Variants in RABGGTB observed in about 807,000 individuals in gnomAD.
RABGGTB encodes the protein geranylgeranyl transferase type-2 subunit beta.
Under a neutral mutation model 44.5 loss-of-function variants are expected in RABGGTB, and 20 were observed. The ratio of observed to expected loss-of-function variants is 0.45; its 90% confidence interval spans 0.32 to 0.65. RABGGTB has a LOEUF of 0.65. Ranked by LOEUF, RABGGTB falls within the 30% of genes least tolerant of loss-of-function variation. RABGGTB has a pLI of 0.05. For synonymous variants in RABGGTB, 128 were observed against 136.7 expected (o/e 0.94, Z 0.44); for missense variants, 302 against 398.7 (o/e 0.76, Z 2.06).
chr1:75,788,360 GC>G (rs150111322), intron 2 of RABGGTB: 1,776 of 160,692 alleles, frequency 0.011, 17 homozygotes, highest in Middle Eastern at 0.037. Context: ...CTGGAGGACA[GC>G]GGTGCGATCT....
intron 2 of RABGGTB, 108 bp from the exon 3 acceptor site, chr1:75,789,051 G>A: frequency 3.1e-6 from 3 of 969,634 alleles, no homozygotes; most frequent in Non-Finnish European, 4.8e-6. Flanking sequence ...GTTAAGGTCA[G>A]GAGAGGTAAA....
At chr1:75,789,556 A>G (rs764590593) in intron 3 of RABGGTB, 200 bp downstream of exon 3, 8 of 766,630 alleles carry the variant, frequency 1.0e-5, no homozygotes, top group Non-Finnish European at 1.9e-5. Context: ...CTTGGAGGGT[A>G]AAATTTTTAT....
chr1:75,793,187 G>T (rs1649688780), intron 7 of RABGGTB, among the ~76,000 whole-genome samples: 2 of 152,044 alleles, frequency 1.3e-5, no homozygotes, highest in South Asian at 4.1e-4. Context: ...ATTGTAGCTT[G>T]CTGTGCCCCT....
intron 2 of RABGGTB, chr1:75,788,291 C>T (rs888770778): frequency 5.9e-6 from 1 of 168,774 alleles, no homozygotes; most frequent in African/African-American, 2.4e-5. Context: ...GATGCACCAC[C>T]TGTTAAAAAA....
At chr1:75,790,201 C>T in intron 4 of RABGGTB, 144 bp downstream of exon 4, 2 of 1,461,764 alleles carry the variant, frequency 1.4e-6, no homozygotes, top group Non-Finnish European at 1.8e-6. Context: ...GCTGGAACTT[C>T]CAGCATGCAC....
At chr1:75,791,928 A>G (rs544667357) in intron 6 of RABGGTB, 24 of 425,056 alleles carry the variant, frequency 5.6e-5, no homozygotes, top group South Asian at 5.0e-4. Context: ...AGAACACTGA[A>G]TATGTGAATG....
chr1:75,791,615 C>G (rs1361662144), intron 6 of RABGGTB, 44 bp downstream of exon 6: 1 of 1,492,024 alleles, frequency 6.7e-7, no homozygotes, highest in Non-Finnish European at 9.2e-7. Flanking sequence ...ATTTTGGAAG[C>G]CAGTGTAGTA....
Position 75,786,276 on chromosome 1 carries a change from T to G in RABGGTB, c.3+2T>G. 6.2e-7 allele frequency: 1 copy of G among 1,614,168 alleles called. No homozygotes were observed. The highest frequency in any genetic ancestry group is 1.3e-5 in the African/African-American group (1 of 75,040). On this transcript the variant is annotated splice_donor_variant, in intron 1 of 8. Transcript: ENST00000319942. LOFTEE classifies it high-confidence loss of function. The stretch of plus-strand genomic sequence containing the variant: ...TCTCTCCTTTCCCTGTTAGACATGG[T>G]AAGTGTGAGTTTAGCGCTGCTGTCC...
Position 75,791,523 on chromosome 1 carries a change from T to TG in RABGGTB, c.532dup (p.Asp178GlyfsTer11). 6.2e-7 allele frequency: 1 copy of TG among 1,613,392 alleles called. No homozygotes were observed. Among genetic ancestry groups the TG allele is most frequent in the Non-Finnish European group, 8.5e-7 (1 of 1,180,006 alleles). ...AATTTGTTTTATCCTGTATGAACTT[T>TG]GACGGTGGATTTGGTTGCAGACCAG... is the stretch of plus-strand genomic sequence containing the variant. On this transcript the variant is annotated frameshift_variant, in exon 6 of 9. Transcript: ENST00000319942. LOFTEE classifies it high-confidence loss of function.
At chr1:75,786,487 C>T (rs566419654) in intron 1 of RABGGTB, among the ~76,000 whole-genome samples, 2 of 152,246 alleles carry the variant, frequency 1.3e-5, no homozygotes, top group Non-Finnish European at 2.9e-5. Flanking sequence ...AGGCCTTCTT[C>T]TGTAGGGAGG....
At chr1:75,789,037 T>C in intron 2 of RABGGTB, 122 bp from the exon 3 acceptor site, 2 of 793,434 alleles carry the variant, frequency 2.5e-6, no homozygotes, top group South Asian at 3.4e-5. Context: ...TACTGATCAG[T>C]GCTGTTAAGG....
At chr1:75,787,395 A>T in intron 1 of RABGGTB, 102 bp from the exon 2 acceptor site, 1 of 876,404 alleles carries the variant, frequency 1.1e-6, no homozygotes, top group Non-Finnish European at 1.8e-6. Context: ...CTATTACAAG[A>T]TGAAATCAAG....
At chr1:75,793,970 T>C in intron 7 of RABGGTB, 114 bp from the exon 8 acceptor site, 1 of 1,179,046 alleles carries the variant, frequency 8.5e-7, no homozygotes, top group Non-Finnish European at 1.2e-6. Context: ...TCCACATGGT[T>C]TGACACTTTG....
intron 6 of RABGGTB, 188 bp downstream of exon 6, chr1:75,791,759 C>T (rs1485221597): frequency 9.2e-6 from 5 of 543,860 alleles, no homozygotes; most frequent in East Asian, 3.0e-5. Flanking sequence ...CTTTCTCTGT[C>T]GGTGGATTCG....
chr1:75,792,194 C>T lies in RABGGTB; in HGVS notation c.593C>T (p.Thr198Ile). The change falls in exon 7 of 9, where the codon ACA becomes ATA. Residue 198 changes from threonine to isoleucine, a missense_variant. This residue lies in a region of RABGGTB where 213 missense variants were observed against 323.7 expected (regional missense o/e 0.66). Coordinates refer to ENST00000319942, the MANE Select transcript of RABGGTB (RefSeq NM_004582.4). ...ESHAGQIYCCTGFLAITSQLH... is the reference protein window; with the variant it reads ...ESHAGQIYCCIGFLAITSQLH... ...CTGTAATTTTAGATCTATTGTTGCA[C>T]AGGATTTCTGGCAATTACAAGTCAG... is the stretch of plus-strand genomic sequence containing the variant. 1.2e-6 allele frequency: 2 copies of T among 1,607,894 alleles called. No homozygotes were observed. Among genetic ancestry groups the T allele is most frequent in the Non-Finnish European group, 1.7e-6 (2 of 1,174,484 alleles).
At chr1:75,794,405 G>T in intron 8 of RABGGTB, 105 bp from the exon 9 acceptor site, 3 of 1,335,444 alleles carry the variant, frequency 2.2e-6, no homozygotes, top group Middle Eastern at 2.0e-4. Context: ...ATTTCTTGTC[G>T]CTTGTTGCTA....
At chr1:75,790,442 T>A (rs1206669226) in intron 4 of RABGGTB, 1 of 1,090,010 alleles carries the variant, frequency 9.2e-7, no homozygotes, top group Non-Finnish European at 1.1e-6. Context: ...AATCTCTGCT[T>A]TAGGGATGAA....
At position 75,794,357 on chromosome 1, in the gene RABGGTB, T is replaced by C. The variant is rs1649719005; in HGVS notation, c.855+124T>C. 3.0e-6 allele frequency: 4 copies of C among 1,334,608 alleles called. No individual in the cohort carries two copies. In the South Asian group the frequency reaches 5.9e-5, roughly 20 times the overall value. The allele number at this position is 1,334,608 out of a possible 1,614,324, so 82.7% of individuals were successfully genotyped here. On this transcript the variant is annotated intron_variant, in intron 8 of 8. Transcript: ENST00000319942. ...GAAAGCAGTTTTTTTTTCTATTTAT[T>C]GTAGAGTGTATGAAGGATATAGAAC... is the stretch of plus-strand genomic sequence containing the variant.
Position 75,789,147 on chromosome 1 carries a change from G to T in RABGGTB, c.112-12G>T. ...TCAAATGACAGATTTAAGAAATTGTGTATTATTTTAGGAATACTGTATGTC... is the reference window on the plus strand; with the variant it reads ...TCAAATGACAGATTTAAGAAATTGTTTATTATTTTAGGAATACTGTATGTC... On this transcript the variant is annotated splice_polypyrimidine_tract_variant and intron_variant, in intron 2 of 8. Transcript: ENST00000319942. 6.2e-7 allele frequency: 1 copy of T among 1,609,304 alleles called. No homozygotes were observed. The highest frequency in any genetic ancestry group is 8.5e-7 in the Non-Finnish European group (1 of 1,175,850).
Sources: gnomAD v4.1 joint callset for allele counts (sites outside exome capture counted in the v4.1 genomes callset) on GRCh38, gnomAD v4.1.1 for gene constraint, gnomAD v4.1.1 regional missense constraint, MANE v1.5 for transcripts, NCBI Gene and HGNC (gene_info 2026-07-23, HGNC 2026-07-21) for gene names.